MTUS1: variants seen among roughly 807,000 people sequenced by gnomAD.
The protein encoded by MTUS1 is microtubule associated scaffold protein 1, also known as microtubule-associated tumor suppressor 1.
In MTUS1, 109 loss-of-function variants were observed where a neutral mutation model predicts 120.8. The observed-to-expected ratio is 0.90, with a 90% confidence interval of 0.77 to 1.06. The LOEUF (loss-of-function observed/expected upper bound fraction) is 1.06, where lower values mean the gene tolerates loss of function less well. MTUS1 is among the 50% of genes least tolerant of loss of function. The pLI, the probability that MTUS1 is intolerant of heterozygous loss-of-function variation, is 0.00. For missense variants in MTUS1, 2,210 were observed against 1,486.3 expected, an observed-to-expected ratio of 1.49 and a Z score of -8.01; for synonymous variants, 737 against 550.5, an observed-to-expected ratio of 1.34 and a Z score of -4.74.
chr8:17,666,445 G>C (rs913822670), intron 8 of MTUS1, among the ~76,000 whole-genome samples: 15 of 152,042 alleles, frequency 9.9e-5, no homozygotes, highest in African/African-American at 3.4e-4. Flanking sequence ...AATTCACTCG[G>C]AGTTACTTCA....
chr8:17,747,978 A>T (rs2047897796), intron 2 of MTUS1: 2 of 152,186 alleles, frequency 1.3e-5, no homozygotes, highest in South Asian at 2.1e-4. Flanking sequence ...CTATTATGAG[A>T]ACAGCATGGC....
chr8:17,740,592 G>C (rs1379147646), intron 3 of MTUS1, among the ~76,000 whole-genome samples: 1 of 152,200 alleles, frequency 6.6e-6, no homozygotes, highest in Non-Finnish European at 1.5e-5. Context: ...TTTACTGAGA[G>C]CATCCAAAAA....
intron 6 of MTUS1, among the ~76,000 whole-genome samples, chr8:17,688,862 T>G (rs1411650334): frequency 5.9e-5 from 9 of 152,176 alleles, no homozygotes; most frequent in Non-Finnish European, 1.2e-4. Context: ...GACATGGCAT[T>G]TACTGAAAAT....
intron 6 of MTUS1, among the ~76,000 whole-genome samples, chr8:17,703,410 G>A (rs1819502670): frequency 6.6e-6 from 1 of 152,066 alleles, no homozygotes; most frequent in Non-Finnish European, 1.5e-5. Context: ...GTGGCGGGCA[G>A]ATCACGAGGT....
chr8:17,745,176 G>A (rs546102394), intron 2 of MTUS1, among the ~76,000 whole-genome samples: 6 of 152,242 alleles, frequency 3.9e-5, no homozygotes, highest in Non-Finnish European at 5.9e-5. Context: ...TATTAGCTAC[G>A]TGAAAGGAAC....
At chr8:17,785,758 G>A (rs1015073072) in intron 1 of MTUS1, among the ~76,000 whole-genome samples, 3 of 152,154 alleles carry the variant, frequency 2.0e-5, no homozygotes, top group African/African-American at 7.2e-5. Context: ...AGGCAGATCT[G>A]GAGGGCAGTT....
chr8:17,647,432 C>G (rs547373671), intron 13 of MTUS1, among the ~76,000 whole-genome samples: 1 of 150,564 alleles, frequency 6.6e-6, no homozygotes, highest in African/African-American at 2.4e-5. Flanking sequence ...CAAAGCTTAT[C>G]TATCTCCTTA....
At chr8:17,776,570 T>A (rs2050448084) in intron 1 of MTUS1, among the ~76,000 whole-genome samples, 1 of 150,244 alleles carries the variant, frequency 6.7e-6, no homozygotes, top group Admixed American at 6.8e-5. Flanking sequence ...TCCCAGCTAC[T>A]TGGGAGGCTG....
rs145047442 is a variant in MTUS1 at position 17,672,831 on chromosome 8, C to G, written c.2905+2355G>C. On this transcript the variant is annotated intron_variant, in intron 8 of 14. Coordinates refer to ENST00000693296, the MANE Select transcript of MTUS1 (RefSeq NM_001363059.2). ...AAGGATAGGAAGGTGACAGTGGGCA[C>G]AGACTGTTACAGCTATTTCCTGTCA... Among the ~76,000 whole-genome samples the G allele has an allele frequency of 1.5e-3, 236 of 152,312 alleles. 1 individual carries two copies. Among genetic ancestry groups the G allele is most frequent in the African/African-American group, 5.5e-3 (230 of 41,584 alleles).
intron 6 of MTUS1, among the ~76,000 whole-genome samples, chr8:17,700,324 G>A (rs1238932432): frequency 6.6e-6 from 1 of 151,916 alleles, no homozygotes; most frequent in Non-Finnish European, 1.5e-5. Flanking sequence ...CAAAAAATTA[G>A]CTGGGCATGG....
In MTUS1 at chr8:17,755,156, C is replaced by T. The variant is rs373564089; in HGVS notation, c.652G>A (p.Ala218Thr). 6.0e-5 allele frequency: 97 copies of T among 1,614,140 alleles called. No individual in the cohort carries two copies. Among genetic ancestry groups the T allele is most frequent in the Non-Finnish European group, 8.1e-5 (95 of 1,180,022 alleles). ...WTSSHSDKTH[A>T]RETTYDRESF... ...TCTCTATCATAAGTAGTTTCTCTTG[C>T]ATGCGTCTTATCAGAATGGGAAGAT... The change falls in exon 2 of 15, where the codon GCA becomes ACA. Residue 218 changes from alanine to threonine, a missense_variant. Ala to Thr is a moderately conservative substitution (Grantham distance 58). Coordinates refer to ENST00000693296, the MANE Select transcript of MTUS1 (RefSeq NM_001363059.2).
intron 1 of MTUS1, among the ~76,000 whole-genome samples, chr8:17,760,235 T>C (rs899189431): frequency 6.6e-6 from 1 of 151,686 alleles, no homozygotes; most frequent in Non-Finnish European, 1.5e-5. Context: ...CAAAACAAAA[T>C]AAAACAAATT....
At chr8:17,800,433 C>T (rs894318936) in intron 1 of MTUS1, among the ~76,000 whole-genome samples, 2 of 152,190 alleles carry the variant, frequency 1.3e-5, no homozygotes, top group Non-Finnish European at 2.9e-5. Flanking sequence ...TGTGTAACTA[C>T]GCAGGCTAAA....
intron 2 of MTUS1, among the ~76,000 whole-genome samples, chr8:17,748,541 G>C (rs568291573): frequency 6.6e-6 from 1 of 152,104 alleles, no homozygotes; most frequent in South Asian, 2.1e-4. Context: ...ATGACACACC[G>C]GTGTCCATGG....
intron 12 of MTUS1, among the ~76,000 whole-genome samples, chr8:17,650,667 C>G (rs1409325752): frequency 2.0e-5 from 3 of 152,148 alleles, no homozygotes; most frequent in Non-Finnish European, 2.9e-5. Context: ...TGTGAATGCA[C>G]CACTGCATTC....
At chr8:17,751,862 TAAAAAAAAA>T (rs56362055) in intron 2 of MTUS1, among the ~76,000 whole-genome samples, 7 of 96,540 alleles carry the variant, frequency 7.3e-5, no homozygotes, top group East Asian at 5.4e-4. Context: ...GACTCTGCCT[TAAAAAAAAA>T]AAAAAAAAAA....
At chr8:17,731,090 A>G (rs1165638126) in intron 3 of MTUS1, among the ~76,000 whole-genome samples, 2 of 152,234 alleles carry the variant, frequency 1.3e-5, no homozygotes, top group African/African-American at 4.8e-5. Context: ...TGACAGATTA[A>G]TACGGTGGTA....
chr8:17,688,666 G>A (rs1816338227), intron 6 of MTUS1, among the ~76,000 whole-genome samples: 1 of 152,152 alleles, frequency 6.6e-6, no homozygotes, highest in African/African-American at 2.4e-5. Context: ...CTGGTGGCAG[G>A]TGCTTATCCT....
rs116041557 is a variant in MTUS1 at position 17,797,174 on chromosome 8, G to A, written c.-155+3887C>T. The stretch of plus-strand genomic sequence containing the variant: ...TGCCTCTAATCCTAGCACTCTGGGA[G>A]GCTGAAGTGGGAGGATTTGCTTGAG... On this transcript the variant is annotated intron_variant, in intron 1 of 14. Transcript: ENST00000693296. Among the ~76,000 whole-genome samples the A allele has an allele frequency of 6.4e-3, 967 of 152,158 alleles. 12 individuals are homozygous for A. The highest frequency in any genetic ancestry group is 0.022 in the African/African-American group (933 of 41,532).
Sources: allele counts gnomAD v4.1 joint callset (sites outside exome capture counted in the v4.1 genomes callset), GRCh38; gene constraint gnomAD v4.1.1; transcripts MANE v1.5; gene names NCBI Gene and HGNC (gene_info 2026-07-23, HGNC 2026-07-21).